SLC4A11: variants seen among roughly 807,000 people sequenced by gnomAD.
The protein encoded by SLC4A11 is solute carrier family 4 member 11.
In SLC4A11, 74 loss-of-function variants were observed where a neutral mutation model predicts 95.0. The observed-to-expected ratio is 0.78, with a 90% CI of 0.65 to 0.95. The LOEUF (loss-of-function observed/expected upper bound fraction) is 0.95, where lower values mean the gene tolerates loss of function less well. Among genes scored for constraint, SLC4A11 ranks in the 40% least tolerant of loss-of-function variants. The probability of loss-of-function intolerance (pLI) is 0.00; values close to 1 mark genes in which losing one functional copy is unlikely to be tolerated. For synonymous variants in SLC4A11, 548 were observed against 519.0 expected (o/e 1.06, Z -0.76); for missense variants, 1,081 against 1,192.4 (o/e 0.91, Z 1.38).
At chr20:3,239,555 A>AC, upstream of SLC4A11, 4 of 987,274 alleles carry the variant, frequency 4.1e-6, no homozygotes, top group Non-Finnish European at 4.8e-6. Context: ...ACTGAGGCAG[A>AC]CCCCGGGAGG....
At position 3,227,505 on chromosome 20, in the gene SLC4A11, C is replaced by A; in HGVS notation, c.*282G>T. On this transcript the variant is annotated 3_prime_UTR_variant, in exon 20 of 20. Transcript: ENST00000642402. The stretch of plus-strand genomic sequence containing the variant: ...AGGAAATGGTTTCTCTTTCAGGCAT[C>A]GACTCTTTTATCAAAAGAAAATCCA... The A allele has an allele frequency of 4.0e-6, 2 of 497,144 alleles. No individual in the cohort carries two copies. Among genetic ancestry groups the A allele is most frequent in the Admixed American group, 3.3e-5 (1 of 30,738 alleles). 30.8% of individuals were successfully genotyped at this position (497,144 alleles called of 1,614,324 possible). A position where few individuals can be genotyped will look rare whatever the true frequency, so the allele number is the denominator to read the frequency against.
In SLC4A11 at chr20:3,234,368, C is replaced by G; in HGVS notation, c.292-54G>C. The G allele has an allele frequency of 1.3e-6, 2 of 1,561,312 alleles. No homozygotes were observed. The highest frequency in any genetic ancestry group is 1.8e-6 in the Non-Finnish European group (2 of 1,137,622). On this transcript the variant is annotated intron_variant, in intron 4 of 19. Transcript: ENST00000642402. This position sits in a 1 kb window ranked among gnomAD's most constrained non-coding sequence, Gnocchi z 5.8. ...CGGGCCCATGTATGAGATGCTGTCA[C>G]TGCCTGGTCCCTCCCTCCCAGCCAG...
intron 2 of SLC4A11, among the ~76,000 whole-genome samples, chr20:3,235,499 G>A (rs992298782): frequency 1.3e-5 from 2 of 152,130 alleles, no homozygotes; most frequent in East Asian, 1.9e-4. Context: ...GGGGCTGACA[G>A]GGGAGAGGAC....
upstream of SLC4A11, chr20:3,239,391 C>T: frequency 9.1e-7 from 1 of 1,103,442 alleles, no homozygotes. Context: ...TCCCCGCCGC[C>T]CGCAGCTGCT....
rs750656470 is a variant in SLC4A11, at chr20:3,234,567, C to T, written c.291+1G>A. On this transcript the variant is annotated splice_donor_variant, in intron 4 of 19. Transcript: ENST00000642402. LOFTEE classifies it high-confidence loss of function. The surrounding 1 kb of genome is among the most constrained non-coding windows in gnomAD (Gnocchi z 5.8). ...GACCACCTGCAGGACAGGCCATTCACCTTTCGGGAGGTGTGCAGGAGCACA... is the reference window on the plus strand; with the variant it reads ...GACCACCTGCAGGACAGGCCATTCATCTTTCGGGAGGTGTGCAGGAGCACA... The T allele has an allele frequency of 6.2e-7, 1 of 1,613,840 alleles. No homozygotes were observed. The highest frequency in any genetic ancestry group is 8.5e-7 in the Non-Finnish European group (1 of 1,180,020).
Position 3,233,515 on chromosome 20 carries a change from A to C in SLC4A11, c.728T>G (p.Met243Arg), listed in dbSNP as rs1401738889. The C allele has an allele frequency of 2.5e-6, 4 of 1,613,410 alleles. No homozygotes were observed. Among genetic ancestry groups the C allele is most frequent in the Non-Finnish European group, 2.5e-6 (3 of 1,179,946 alleles). ...CAGGACACGGCACTACCCACTCACCATCTTGGGTGGGGCCAGCACCAGGAT... is the reference window on the plus strand; with the variant it reads ...CAGGACACGGCACTACCCACTCACCCTCTTGGGTGGGGCCAGCACCAGGAT... ...FVILVLAPPK[M>R]KSTKTAMEVA... The change falls in exon 7 of 20, where the codon ATG becomes AGG. Residue 243 changes from methionine to arginine, a missense_variant and splice_region_variant. By Grantham distance (91) the Met-to-Arg change is moderately conservative (BLOSUM62 -1). Around this residue, in one of 3 missense-constraint regions of SLC4A11, gnomAD observed 767 missense variants for 858.0 expected, o/e 0.89. Transcript: ENST00000642402.
intron 2 of SLC4A11, among the ~76,000 whole-genome samples, 177 bp downstream of exon 2, chr20:3,237,367 A>T (rs1227902969): frequency 6.6e-6 from 1 of 150,604 alleles, no homozygotes; most frequent in Non-Finnish European, 1.5e-5. Context: ...TCTCAGGTCC[A>T]CGGGGGATCC....
In SLC4A11 at chr20:3,234,316, T is replaced by C; in HGVS notation, c.292-2A>G. 6.2e-7 allele frequency: 1 copy of C among 1,613,362 alleles called. No individual in the cohort carries two copies. The highest frequency in any genetic ancestry group is 1.1e-5 in the South Asian group (1 of 91,070). On this transcript the variant is annotated splice_acceptor_variant, in intron 4 of 19. Coordinates refer to ENST00000642402, the MANE Select transcript of SLC4A11 (RefSeq NM_001174089.2). LOFTEE classifies it high-confidence loss of function. This position sits in a 1 kb window ranked among gnomAD's most constrained non-coding sequence, Gnocchi z 5.8. ...CTTGAAGTTCTTTAACTTCAGGTAC[T>C]GAGGGGACCCCAGGGACAGAACCAC...
Position 3,230,776 on chromosome 20 carries a change from A to G in SLC4A11, c.1238T>C (p.Leu413Ser). Residue 413 changes from leucine to serine, a missense_variant, in exon 11 of 20, where the codon TTG becomes TCG. Leu to Ser is a moderately radical substitution (Grantham distance 145). Coordinates refer to ENST00000642402, the MANE Select transcript of SLC4A11 (RefSeq NM_001174089.2). ...GGGCGCGGTGGTCAGCAGAATCACC[A>G]ATGGCTGCCCAGAGAAGAGCGCGTA... ...LLYALFSGQPLVILLTTAPLA... is the reference protein window; with the variant it reads ...LLYALFSGQPSVILLTTAPLA... 2 of 1,613,338 alleles carry G rather than the reference A, an allele frequency of 1.2e-6. No individual in the cohort carries two copies. Among genetic ancestry groups the G allele is most frequent in the Non-Finnish European group, 1.7e-6 (2 of 1,179,978 alleles).
At chr20:3,229,060 G>GGGGGGCCCCCCCCCCCCCCCCCCCCC in intron 16 of SLC4A11, 35 bp downstream of exon 16, 1 of 1,542,150 alleles carries the variant, frequency 6.5e-7, no homozygotes, top group Non-Finnish European at 8.7e-7. Context: ...AGAGGCCCGG[G>GGGGGGCCCCCCCCCCCCCCCCCCCCC]CCCCGCCCAC....
Position 3,229,101 on chromosome 20 carries a change from T to G in SLC4A11, c.2012A>C (p.Glu671Ala). ...NLVAALVNAPENRLVKGTAYH... is the reference protein window; with the variant it reads ...NLVAALVNAPANRLVKGTAYH... ...CCTCACCCACCCTCCACACCTGTTC[T>G]CCGGTGCATTCACCAAGGCGGCCAC... Residue 671 changes from glutamate to alanine, a missense_variant, in exon 16 of 20, where the codon GAG becomes GCG. Physicochemically the swap from Glu to Ala is moderately radical, Grantham distance 107. Transcript: ENST00000642402. 1.5e-6 allele frequency: 2 copies of G among 1,335,396 alleles called. No homozygotes were observed. The highest frequency in any genetic ancestry group is 9.9e-7 in the Non-Finnish European group (1 of 1,005,704). 82.7% of individuals were successfully genotyped at this position (1,335,396 alleles called of 1,614,324 possible). A position where few individuals can be genotyped will look rare whatever the true frequency, so the allele number is the denominator to read the frequency against.
Position 3,234,019 on chromosome 20 carries a change from G to C in SLC4A11, c.524-17C>G, listed in dbSNP as rs1009617399. Reference sequence around the variant, plus strand: ...GCAGGTGGACTGAGGAAAGAGTGAGGGGGAGGGTGGTGGGTCAACAGCCCC... The same window carrying C: ...GCAGGTGGACTGAGGAAAGAGTGAGCGGGAGGGTGGTGGGTCAACAGCCCC... On this transcript the variant is annotated splice_polypyrimidine_tract_variant and intron_variant, in intron 5 of 19. Coordinates refer to ENST00000642402, the MANE Select transcript of SLC4A11 (RefSeq NM_001174089.2). This position sits in a 1 kb window ranked among gnomAD's most constrained non-coding sequence, Gnocchi z 5.8. 9 of 1,613,802 alleles carry C rather than the reference G, an allele frequency of 5.6e-6. No homozygotes were observed. The highest frequency in any genetic ancestry group is 1.3e-5 in the African/African-American group (1 of 75,044).
chr20:3,234,798 C>G lies in SLC4A11; in HGVS notation c.185G>C (p.Gly62Ala). 1 of 1,614,040 alleles carries G rather than the reference C, an allele frequency of 6.2e-7. No homozygotes were observed. The highest frequency in any genetic ancestry group is 8.5e-7 in the Non-Finnish European group (1 of 1,180,006). Residue 62 changes from glycine to alanine, a missense_variant, in exon 3 of 20, where the codon GGC becomes GCC. Transcript: ENST00000642402. This position sits in a 1 kb window ranked among gnomAD's most constrained non-coding sequence, Gnocchi z 5.8. ...ATTGACAAAAAAACGGATACTCTCG[C>G]CAGACACGATGGAGGAGTTGGCAGT... ...FDTANSSIVS[G>A]ESIRFFVNVN...
chr20:3,229,793 A>G lies in SLC4A11; in HGVS notation c.1490-17T>C, dbSNP rs2067691297. The G allele has an allele frequency of 2.5e-6, 4 of 1,613,566 alleles. No individual in the cohort carries two copies. The highest frequency in any genetic ancestry group is 2.5e-6 in the Non-Finnish European group (3 of 1,179,964). ...TCCAGAAGACTGTGGACACACACCC[A>G]CAGGCCTCAGCCCTCTCCAGCGTGT... On this transcript the variant is annotated splice_polypyrimidine_tract_variant and intron_variant, in intron 13 of 19. Transcript: ENST00000642402.
intron 1 of SLC4A11, chr20:3,238,744 G>A: frequency 1.8e-6 from 2 of 1,084,104 alleles, no homozygotes; most frequent in South Asian, 4.5e-5. Flanking sequence ...GGCCCGCCAG[G>A]CTCCCAAAAG....
In SLC4A11 at chr20:3,234,741, C is replaced by T. The variant is rs1233772105; in HGVS notation, c.241+1G>A. The T allele has an allele frequency of 3.7e-6, 6 of 1,613,994 alleles. No individual in the cohort carries two copies. The highest frequency in any genetic ancestry group is 1.1e-5 in the South Asian group (1 of 91,082). On this transcript the variant is annotated splice_donor_variant, in intron 3 of 19. Coordinates refer to ENST00000642402, the MANE Select transcript of SLC4A11 (RefSeq NM_001174089.2). LOFTEE classifies it high-confidence loss of function. The surrounding 1 kb of genome is among the most constrained non-coding windows in gnomAD (Gnocchi z 5.8). Reference sequence around the variant, plus strand: ...GTCTGCCCCTGCTGCAGCCCCCATACCAGTGTTGGTGGCCTGCATCTCAAG... The same window carrying T: ...GTCTGCCCCTGCTGCAGCCCCCATATCAGTGTTGGTGGCCTGCATCTCAAG...
At position 3,234,602 on chromosome 20, in the gene SLC4A11, G is replaced by T; in HGVS notation, c.257C>A (p.Ser86Tyr). 1.2e-6 allele frequency: 2 copies of T among 1,613,922 alleles called. No homozygotes were observed. The highest frequency in any genetic ancestry group is 1.7e-6 in the Non-Finnish European group (2 of 1,180,016). ...GGTGTGCAGGAGCACACAGCCACCG[G>T]AAGTCGCTTCATTCTCTGCCGGAGA... is the stretch of plus-strand genomic sequence containing the variant. ...QATNTENEATSGGCVLLHTSR... is the reference protein window; with the variant it reads ...QATNTENEATYGGCVLLHTSR... The change falls in exon 4 of 20, where the codon TCC (serine) becomes TAC (tyrosine). Residue 86 changes from serine (S) to tyrosine (Y), a missense_variant. Physicochemically the swap from Ser to Tyr is moderately radical, Grantham distance 144 (BLOSUM62 -2). Around this residue, in one of 3 missense-constraint regions of SLC4A11, gnomAD observed 310 missense variants for 313.5 expected, o/e 0.99. Coordinates refer to ENST00000642402, the MANE Select transcript of SLC4A11 (RefSeq NM_001174089.2). The surrounding 1 kb of genome is among the most constrained non-coding windows in gnomAD (Gnocchi z 5.8).
Position 3,231,648 on chromosome 20 carries a change from T to C in SLC4A11, c.730-100A>G. ...CCCCATGAACTGGCAGCAGGTTTTT[T>C]GTCTGTTTGTTTTTTGTGTTTTTTT... On this transcript the variant is annotated intron_variant, in intron 7 of 19. Coordinates refer to ENST00000642402, the MANE Select transcript of SLC4A11 (RefSeq NM_001174089.2). This position sits in a 1 kb window ranked among gnomAD's most constrained non-coding sequence, Gnocchi z 5.2. 2 of 1,137,912 alleles carry C rather than the reference T, an allele frequency of 1.8e-6. No individual in the cohort carries two copies. Among genetic ancestry groups the C allele is most frequent in the Non-Finnish European group, 2.6e-6 (2 of 769,434 alleles). 70.5% of individuals were successfully genotyped at this position (1,137,912 alleles called of 1,614,324 possible). A position where few individuals can be genotyped will look rare whatever the true frequency, so the allele number is the denominator to read the frequency against.
At position 3,228,698 on chromosome 20, in the gene SLC4A11, GTTCACAATCCTGCGGTGGCCC is replaced by G. The variant is rs1568528185; in HGVS notation, c.2193-12_2201del. On this transcript the variant is annotated splice_acceptor_variant and splice_polypyrimidine_tract_variant and coding_sequence_variant and intron_variant, in exon 18 of 20. Transcript: ENST00000642402. LOFTEE classifies it high-confidence loss of function. ...GCGAGGTCAGCCGCGTCTCCTTCAC[GTTCACAATCCTGCGGTGGCCC>G]GAGCCGCGAGTGTCACCTCTGCGCC... The G allele has an allele frequency of 3.1e-6, 5 of 1,612,910 alleles. No individual in the cohort carries two copies. The highest frequency in any genetic ancestry group is 4.2e-6 in the Non-Finnish European group (5 of 1,179,892).
Sources: gnomAD v4.1 joint callset for allele counts (sites outside exome capture counted in the v4.1 genomes callset) on GRCh38, gnomAD v4.1.1 for gene constraint, gnomAD v4.1.1 regional missense constraint, Gnocchi (gnomAD v3.1) non-coding constraint, MANE v1.5 for transcripts, NCBI Gene and HGNC (gene_info 2026-07-23, HGNC 2026-07-21) for gene names.